The following SMCHD1 variants were observed in gnomAD, a reference collection of about 807,000 sequenced individuals.
SMCHD1 encodes structural maintenance of chromosomes flexible hinge domain containing 1.
In SMCHD1, 78 loss-of-function variants were observed where a neutral mutation model predicts 254.7. That is an observed-to-expected ratio of 0.31 (90% CI 0.26 to 0.37). The LOEUF is 0.37. Among genes scored for constraint, SMCHD1 ranks in the 10% least tolerant of loss-of-function variants. The pLI, the probability that SMCHD1 is intolerant of heterozygous loss-of-function variation, is 1.00. For missense variants in SMCHD1, 1,840 were observed against 2,408.1 expected, an observed-to-expected ratio of 0.76 and a Z score of 4.94; for synonymous variants, 766 against 794.9, an observed-to-expected ratio of 0.96 and a Z score of 0.61.
At chr18:2,726,952 T>C (rs1295969941) in intron 22 of SMCHD1, 1 of 153,782 alleles carries the variant, frequency 6.5e-6, no homozygotes, top group Non-Finnish European at 1.4e-5. Flanking sequence ...TAGAATATGC[T>C]GGCTAATTTG....
chr18:2,789,087 A>G (rs969085368), intron 45 of SMCHD1, among the ~76,000 whole-genome samples: 5 of 152,108 alleles, frequency 3.3e-5, no homozygotes, highest in African/African-American at 1.2e-4. Context: ...TGGCACAATC[A>G]TGGCTCACCA....
chr18:2,735,186 C>A (rs988039475), intron 25 of SMCHD1, among the ~76,000 whole-genome samples: 3 of 152,106 alleles, frequency 2.0e-5, no homozygotes, highest in African/African-American at 7.2e-5. Flanking sequence ...AAATTAAAAC[C>A]GTATGATTTA....
chr18:2,690,840 G>C (rs898582904), intron 7 of SMCHD1, among the ~76,000 whole-genome samples: 14 of 151,176 alleles, frequency 9.3e-5, no homozygotes, highest in Non-Finnish European at 2.1e-4. Context: ...TTGTCAGAAA[G>C]GTTAAACCCA....
chr18:2,664,897 C>T (rs1235977503), intron 1 of SMCHD1, among the ~76,000 whole-genome samples: 1 of 152,228 alleles, frequency 6.6e-6, no homozygotes, highest in Non-Finnish European at 1.5e-5. Flanking sequence ...ATAATTTGTT[C>T]TTTCCCTTTA....
intron 1 of SMCHD1, among the ~76,000 whole-genome samples, chr18:2,656,809 C>T (rs907798893): frequency 1.3e-5 from 2 of 152,158 alleles, no homozygotes; most frequent in Admixed American, 6.5e-5. Flanking sequence ...GGGGGGGATC[C>T]TTCCGCACGG....
rs189623631 is a variant in SMCHD1, at chr18:2,749,896, T to C, written c.3928-147T>C. ...TTACATACTACATTATTCCAACTAG[T>C]TCAGATTTTTAAAATTTAGATTTTA... On this transcript the variant is annotated intron_variant, in intron 30 of 47. Coordinates refer to ENST00000320876, the MANE Select transcript of SMCHD1 (RefSeq NM_015295.3). The C allele has an allele frequency of 6.8e-3, 4,438 of 649,344 alleles. 52 individuals are homozygous for C. The highest frequency in any genetic ancestry group is 0.021 in the Middle Eastern group (51 of 2,422). 40.2% of individuals were successfully genotyped at this position (649,344 alleles called of 1,614,324 possible). A position where few individuals can be genotyped will look rare whatever the true frequency, so the allele number is the denominator to read the frequency against.
intron 35 of SMCHD1, among the ~76,000 whole-genome samples, 163 bp from the exon 36 acceptor site, chr18:2,761,942 A>C (rs1463382716): frequency 2.0e-5 from 3 of 152,230 alleles, no homozygotes; most frequent in Non-Finnish European, 4.4e-5. Flanking sequence ...TTTTATGCTG[A>C]ATTTTAAAAG....
intron 28 of SMCHD1, 79 bp downstream of exon 28, chr18:2,740,900 A>G (rs2075337653): frequency 2.7e-6 from 2 of 742,082 alleles, no homozygotes; most frequent in South Asian, 2.5e-5. Context: ...AAAAACTAGT[A>G]TAAGAAAAAA....
intron 17 of SMCHD1, among the ~76,000 whole-genome samples, chr18:2,715,555 A>G (rs1568217344): frequency 6.6e-6 from 1 of 150,726 alleles, no homozygotes; most frequent in Non-Finnish European, 1.5e-5. Flanking sequence ...TATCTCATAG[A>G]GCTTCTTTAA....
At chr18:2,675,287 CAG>C (rs931621755) in intron 5 of SMCHD1, among the ~76,000 whole-genome samples, 4 of 125,648 alleles carry the variant, frequency 3.2e-5, no homozygotes, top group Non-Finnish European at 6.3e-5. Flanking sequence ...TTTTTGGAGA[CAG>C]AGTCTCGCTC....
chr18:2,715,044 A>G (rs2074765996), intron 17 of SMCHD1, among the ~76,000 whole-genome samples: 1 of 152,172 alleles, frequency 6.6e-6, no homozygotes, highest in Admixed American at 6.5e-5. Context: ...TTTCCTTCAC[A>G]TTGACTTTAG....
At chr18:2,733,927 C>T (rs928404928) in intron 25 of SMCHD1, among the ~76,000 whole-genome samples, 4 of 152,116 alleles carry the variant, frequency 2.6e-5, no homozygotes, top group African/African-American at 7.2e-5. Flanking sequence ...ACTCTTAGTA[C>T]GGAGTCCCAA....
intron 21 of SMCHD1, among the ~76,000 whole-genome samples, 154 bp downstream of exon 21, chr18:2,725,149 A>C (rs1164270739): frequency 6.6e-6 from 1 of 152,100 alleles, no homozygotes; most frequent in African/African-American, 2.4e-5. Flanking sequence ...ATGCCACCTG[A>C]CTTATCAGTT....
In SMCHD1 at chr18:2,778,204, G is replaced by A. The variant is rs374169704; in HGVS notation, c.5512G>A (p.Asp1838Asn). Residue 1838 changes from aspartate to asparagine, a missense_variant, in exon 44 of 48, where the codon GAT (aspartate) becomes AAT (asparagine). Physicochemically the swap from Asp to Asn is conservative, Grantham distance 23. Coordinates refer to ENST00000320876, the MANE Select transcript of SMCHD1 (RefSeq NM_015295.3). ...GCTGTTAGGAGACACCATTATTTTG[G>A]ATAATCTGGATGCGGCCAATCATTA... is the stretch of plus-strand genomic sequence containing the variant. Reference protein sequence around the residue: ...GMLLGDTIILDNLDAANHYRK... With the variant: ...GMLLGDTIILNNLDAANHYRK... 7.5e-6 allele frequency: 12 copies of A among 1,609,694 alleles called. No individual in the cohort carries two copies. The highest frequency in any genetic ancestry group is 1.3e-5 in the African/African-American group (1 of 74,744).
chr18:2,739,992 G>A (rs1435446509), intron 27 of SMCHD1, among the ~76,000 whole-genome samples: 5 of 150,672 alleles, frequency 3.3e-5, no homozygotes, highest in Non-Finnish European at 7.4e-5. Flanking sequence ...GTGCAGGTTT[G>A]TTACATAGGT....
At chr18:2,798,567 G>C (rs2076303131) in intron 47 of SMCHD1, among the ~76,000 whole-genome samples, 1 of 152,180 alleles carries the variant, frequency 6.6e-6, no homozygotes, top group Non-Finnish European at 1.5e-5. Flanking sequence ...AATAGTTACA[G>C]AAAGTTCTTC....
intron 19 of SMCHD1, among the ~76,000 whole-genome samples, chr18:2,720,287 T>C (rs557730098): frequency 6.6e-6 from 1 of 152,356 alleles, no homozygotes; most frequent in African/African-American, 2.4e-5. Context: ...TTTTCCTTTT[T>C]GCTACCATTT....
intron 17 of SMCHD1, among the ~76,000 whole-genome samples, chr18:2,711,379 T>A (rs1405115938): frequency 1.3e-5 from 2 of 151,960 alleles, no homozygotes; most frequent in Admixed American, 1.3e-4. Context: ...ATTACAGGCA[T>A]GAGCCACTGC....
chr18:2,784,621 G>C lies in SMCHD1; in HGVS notation c.5719G>C (p.Asp1907His), dbSNP rs761853422. The change falls in exon 45 of 48, where the codon GAT (aspartate) becomes CAT (histidine). Residue 1907 changes from aspartate (D) to histidine (H), a missense_variant and splice_region_variant. By Grantham distance (81) the Asp-to-His change is moderately conservative. Transcript: ENST00000320876. ...KQCLILGEQI[D>H]LLQQYRSAVC... The stretch of plus-strand genomic sequence containing the variant: ...GTGTCTGATCTTAGGGGAACAAATA[G>C]GTAAGTTGAATAAGTACTTAAATAG... 6.4e-7 allele frequency: 1 copy of C among 1,571,308 alleles called. No homozygotes were observed. The highest frequency in any genetic ancestry group is 8.6e-7 in the Non-Finnish European group (1 of 1,164,400).
Sources: allele counts gnomAD v4.1 joint callset (sites outside exome capture counted in the v4.1 genomes callset), GRCh38; gene constraint gnomAD v4.1.1; transcripts MANE v1.5; gene names NCBI Gene and HGNC (gene_info 2026-07-23, HGNC 2026-07-21).